KCNMB2: variants seen among roughly 807,000 people sequenced by gnomAD.
The protein encoded by KCNMB2 is potassium calcium-activated channel subfamily M regulatory beta subunit 2.
KCNMB2 carries 9 observed loss-of-function variants against 24.5 expected under a neutral mutation model. The observed-to-expected ratio is 0.37, with a 90% CI of 0.22 to 0.64. The LOEUF is 0.64. Among genes scored for constraint, KCNMB2 ranks in the 30% least tolerant of loss-of-function variants. The pLI, the probability that KCNMB2 is intolerant of heterozygous loss-of-function variation, is 0.63. For synonymous variants in KCNMB2, 109 were observed against 104.4 expected, an observed-to-expected ratio of 1.04 and a Z score of -0.27; for missense variants, 226 against 284.3, an observed-to-expected ratio of 0.79 and a Z score of 1.47.
chr3:178,545,967 G>A (rs1715759540), intron 1 of KCNMB2, among the ~76,000 whole-genome samples: 1 of 152,140 alleles, frequency 6.6e-6, no homozygotes. Context: ...TCTGTGTGGT[G>A]CTTGGGAACA....
At chr3:178,656,095 T>C (rs78783446) in intron 1 of KCNMB2, among the ~76,000 whole-genome samples, 2,231 of 152,298 alleles carry the variant, frequency 0.015, 54 homozygotes, top group African/African-American at 0.051. Context: ...GACGTAAACA[T>C]GATAGAAAAC....
intron 1 of KCNMB2, among the ~76,000 whole-genome samples, chr3:178,587,461 T>C (rs2108495701): frequency 6.6e-6 from 1 of 152,276 alleles, no homozygotes; most frequent in Admixed American, 6.5e-5. Context: ...TTCCCTCTTG[T>C]TGCCCAGGCT....
chr3:178,597,675 A>G (rs1717925699), intron 1 of KCNMB2, among the ~76,000 whole-genome samples: 1 of 152,176 alleles, frequency 6.6e-6, no homozygotes, highest in Non-Finnish European at 1.5e-5. Context: ...AAGCAGAAAT[A>G]CTGGAGGTGC....
In KCNMB2 at chr3:178,843,381, T is replaced by C. The variant is rs1322006019; in HGVS notation, c.*444T>C. 1 of 270,702 alleles carries C rather than the reference T, an allele frequency of 3.7e-6. No individual in the cohort carries two copies. The highest frequency in any genetic ancestry group is 2.3e-5 in the African/African-American group (1 of 43,832). 16.8% of individuals were successfully genotyped at this position (270,702 alleles called of 1,614,324 possible). On this transcript the variant is annotated 3_prime_UTR_variant, in exon 5 of 5. Coordinates refer to ENST00000452583, the MANE Select transcript of KCNMB2 (RefSeq NM_181361.3). ...TTTTCTTATTCTAAACTGAGCCCTA[T>C]AGCAAGTGAAGGGACCAGATTTCCT...
intron 1 of KCNMB2, among the ~76,000 whole-genome samples, chr3:178,788,504 A>G (rs1713196800): frequency 6.6e-6 from 1 of 152,196 alleles, no homozygotes; most frequent in Non-Finnish European, 1.5e-5. Flanking sequence ...AAAAACTAAC[A>G]TTTACTGAGT....
intron 1 of KCNMB2, among the ~76,000 whole-genome samples, chr3:178,717,913 C>G (rs1360831629): frequency 6.6e-6 from 1 of 151,830 alleles, no homozygotes; most frequent in South Asian, 2.1e-4. Flanking sequence ...GGCATCTTCA[C>G]CTTTGGTGAC....
At chr3:178,779,180 C>T (rs1712721344) in intron 1 of KCNMB2, among the ~76,000 whole-genome samples, 1 of 152,162 alleles carries the variant, frequency 6.6e-6, no homozygotes, top group East Asian at 1.9e-4. Context: ...CAGCCTCCCA[C>T]CCAGCCTTCA....
intron 1 of KCNMB2, among the ~76,000 whole-genome samples, chr3:178,696,035 G>A (rs1721862138): frequency 6.6e-6 from 1 of 152,206 alleles, no homozygotes; most frequent in Non-Finnish European, 1.5e-5. Flanking sequence ...TTGACTCACA[G>A]TTCAGCTTGG....
At chr3:178,765,177 A>G (rs1447159250) in intron 1 of KCNMB2, among the ~76,000 whole-genome samples, 2 of 152,200 alleles carry the variant, frequency 1.3e-5, no homozygotes, top group Non-Finnish European at 2.9e-5. Flanking sequence ...ACCAAAAAGT[A>G]GTCATCGCAG....
chr3:178,604,458 C>T (rs1301333235), intron 1 of KCNMB2, among the ~76,000 whole-genome samples: 1 of 150,956 alleles, frequency 6.6e-6, no homozygotes, highest in Admixed American at 6.6e-5. Flanking sequence ...TTATAGCATG[C>T]AGCCAACAGC....
At chr3:178,693,404 T>C (rs977704335) in intron 1 of KCNMB2, among the ~76,000 whole-genome samples, 3 of 152,198 alleles carry the variant, frequency 2.0e-5, no homozygotes, top group African/African-American at 4.8e-5. Context: ...ATGACTCTTA[T>C]AATTTTGAGG....
At chr3:178,755,518 G>T (rs1724001541) in intron 1 of KCNMB2, among the ~76,000 whole-genome samples, 1 of 152,124 alleles carries the variant, frequency 6.6e-6, no homozygotes, top group Admixed American at 6.5e-5. Flanking sequence ...TGGGACCATA[G>T]CCACCCTTTT....
chr3:178,701,229 C>T (rs1329538436), intron 1 of KCNMB2, among the ~76,000 whole-genome samples: 3 of 152,178 alleles, frequency 2.0e-5, no homozygotes, highest in Non-Finnish European at 4.4e-5. Context: ...TTCCCCATTT[C>T]TTGTTTTTGT....
intron 2 of KCNMB2, among the ~76,000 whole-genome samples, chr3:178,822,081 A>G (rs1372937923): frequency 6.6e-6 from 1 of 152,192 alleles, no homozygotes; most frequent in Non-Finnish European, 1.5e-5. Flanking sequence ...CTTTAGAATG[A>G]CTTACAAAAC....
At position 178,842,746 on chromosome 3, in the gene KCNMB2, T is replaced by C. The variant is rs779652196; in HGVS notation, c.517T>C (p.Ser173Pro). Residue 173 changes from serine to proline, a missense_variant, in exon 5 of 5, where the codon TCC becomes CCC. Coordinates refer to ENST00000452583, the MANE Select transcript of KCNMB2 (RefSeq NM_181361.3). ...MENFRKYQHF[S>P]CYSDPEGNQK... is the part of the protein sequence containing the mutation. ...AAACTTCAGGAAGTATCAACACTTC[T>C]CCTGCTATTCTGACCCAGAAGGAAA... The C allele has an allele frequency of 7.4e-6, 12 of 1,613,464 alleles. No homozygotes were observed. The South Asian group carries it at 1.3e-4, about 18-fold the overall frequency.
intron 1 of KCNMB2, among the ~76,000 whole-genome samples, chr3:178,700,894 C>A (rs1458492220): frequency 6.6e-6 from 1 of 152,136 alleles, no homozygotes; most frequent in Non-Finnish European, 1.5e-5. Flanking sequence ...AATTTTCTCC[C>A]ATTCTGTAGG....
intron 1 of KCNMB2, among the ~76,000 whole-genome samples, chr3:178,757,720 G>GAGGA (rs1381699081): frequency 4.6e-4 from 21 of 45,710 alleles, no homozygotes; most frequent in African/African-American, 1.3e-3. Flanking sequence ...ATATATATAT[G>GAGGA]TATATATATC....
intron 1 of KCNMB2, among the ~76,000 whole-genome samples, chr3:178,663,303 T>C (rs767157643): frequency 3.9e-5 from 6 of 152,118 alleles, no homozygotes; most frequent in Non-Finnish European, 5.9e-5. Flanking sequence ...TAGGCATGAT[T>C]CTTTGAGAGT....
intron 1 of KCNMB2, among the ~76,000 whole-genome samples, chr3:178,723,040 G>C (rs992676598): frequency 1.3e-5 from 2 of 152,152 alleles, no homozygotes; most frequent in African/African-American, 4.8e-5. Flanking sequence ...ATAGTTGGGT[G>C]AATCAGTTTC....
Sources: allele counts gnomAD v4.1 joint callset (sites outside exome capture counted in the v4.1 genomes callset), GRCh38; gene constraint gnomAD v4.1.1; transcripts MANE v1.5; gene names NCBI Gene and HGNC (gene_info 2026-07-23, HGNC 2026-07-21).